STK32B: variants seen among roughly 807,000 people sequenced by gnomAD.
STK32B encodes serine/threonine-protein kinase 32B.
In STK32B, 43 loss-of-function variants were observed where a neutral mutation model predicts 52.6. That is an observed-to-expected ratio of 0.82 (90% CI 0.64 to 1.05). STK32B has a LOEUF of 1.05. Ranked by LOEUF, STK32B falls within the 50% of genes least tolerant of loss-of-function variation. The pLI is 0.00. For synonymous variants in STK32B, 238 were observed against 204.3 expected (o/e 1.17, Z -1.41); for missense variants, 621 against 534.6 (o/e 1.16, Z -1.59).
chr4:5,172,777 G>A (rs191484076), intron 3 of STK32B, among the ~76,000 whole-genome samples: 1 of 151,726 alleles, frequency 6.6e-6, no homozygotes, highest in Non-Finnish European at 1.5e-5. Context: ...TCTCTTTTTT[G>A]GTTGTGTCTC....
chr4:5,062,440 T>G (rs1742251222), intron 1 of STK32B, among the ~76,000 whole-genome samples: 1 of 152,210 alleles, frequency 6.6e-6, no homozygotes. Flanking sequence ...TGAAGCTCCT[T>G]GAATGTCCTC....
At chr4:5,428,193 G>T (rs188717639) in intron 6 of STK32B, among the ~76,000 whole-genome samples, 2 of 152,110 alleles carry the variant, frequency 1.3e-5, no homozygotes, top group Admixed American at 1.3e-4. Context: ...GGATCACAAG[G>T]TCAGGAGATC....
intron 2 of STK32B, among the ~76,000 whole-genome samples, chr4:5,159,564 TGA>T (rs373643161): frequency 4.8e-4 from 37 of 76,598 alleles, no homozygotes; most frequent in Non-Finnish European, 7.9e-4. Context: ...TATATATGAA[TGA>T]ATATATATGA....
intron 11 of STK32B, among the ~76,000 whole-genome samples, chr4:5,487,983 G>T (rs1391320898): frequency 6.6e-6 from 1 of 152,174 alleles, no homozygotes; most frequent in Non-Finnish European, 1.5e-5. Flanking sequence ...ATTTAAAAAA[G>T]AGAGTTGAAT....
intron 3 of STK32B, among the ~76,000 whole-genome samples, chr4:5,206,586 G>A (rs572446423): frequency 3.3e-5 from 5 of 152,218 alleles, no homozygotes; most frequent in South Asian, 2.1e-4. Context: ...TGGATAGGCC[G>A]ATGAATGGAG....
chr4:5,053,133 A>G (rs151141617), intron 1 of STK32B, among the ~76,000 whole-genome samples: 179 of 152,302 alleles, frequency 1.2e-3, no homozygotes, highest in African/African-American at 4.1e-3. Context: ...AAGATAGATG[A>G]ACACAGTCAA....
chr4:5,331,493 G>A (rs1732248639), intron 4 of STK32B, 100 bp downstream of exon 4: 4 of 1,323,818 alleles, frequency 3.0e-6, no homozygotes, highest in Middle Eastern at 2.3e-4. Context: ...TCCTTGACAT[G>A]GTTTAAAAGT....
intron 3 of STK32B, among the ~76,000 whole-genome samples, chr4:5,272,336 T>G (rs1727498877): frequency 2.7e-5 from 4 of 148,640 alleles, no homozygotes; most frequent in African/African-American, 7.6e-5. Context: ...GAACCAGCCT[T>G]GCATCCCAGG....
intron 4 of STK32B, among the ~76,000 whole-genome samples, chr4:5,373,125 A>G (rs927570650): frequency 1.3e-5 from 2 of 152,200 alleles, no homozygotes; most frequent in African/African-American, 4.8e-5. Context: ...GTGGGACTCA[A>G]ACAGAAAACA....
At chr4:5,224,366 G>C (rs1723733145) in intron 3 of STK32B, among the ~76,000 whole-genome samples, 1 of 152,110 alleles carries the variant, frequency 6.6e-6, no homozygotes, top group Non-Finnish European at 1.5e-5. Flanking sequence ...ATCTTTTTTG[G>C]AGGGCTTCTC....
chr4:5,035,926 C>T, the STK32B span, among the ~76,000 whole-genome samples: 3 of 151,686 alleles, frequency 2.0e-5, no homozygotes, highest in Non-Finnish European at 4.4e-5. Flanking sequence ...GGATTACAGG[C>T]GCCCGCCACC....
chr4:5,430,601 C>G (rs988549838), intron 6 of STK32B, among the ~76,000 whole-genome samples: 1 of 151,912 alleles, frequency 6.6e-6, no homozygotes, highest in Admixed American at 6.6e-5. Flanking sequence ...TTTTTTTGTC[C>G]TGTGTCTGAT....
chr4:5,467,479 C>T lies in STK32B; in HGVS notation c.1042-527C>T, dbSNP rs914796640. ...CTTCATATGGCCTTCATATAAGGACCCCAGTCATTGGTCTTAGGGCCTACC... is the reference window on the plus strand; with the variant it reads ...CTTCATATGGCCTTCATATAAGGACTCCAGTCATTGGTCTTAGGGCCTACC... On this transcript the variant is annotated intron_variant, in intron 10 of 11. Transcript: ENST00000282908. The surrounding 1 kb of genome is among the most constrained non-coding windows in gnomAD (Gnocchi z 5.8). Among the ~76,000 whole-genome samples, 1 of 152,104 alleles carries T rather than the reference C, an allele frequency of 6.6e-6. No individual in the cohort carries two copies. The highest frequency in any genetic ancestry group is 1.5e-5 in the Non-Finnish European group (1 of 68,038).
intron 6 of STK32B, among the ~76,000 whole-genome samples, 192 bp from the exon 7 acceptor site, chr4:5,446,481 G>A (rs1292324628): frequency 6.6e-6 from 1 of 151,212 alleles, no homozygotes; most frequent in Non-Finnish European, 1.5e-5. Context: ...AAGGAGAATC[G>A]CTTGAACTAA....
At chr4:5,027,211 T>C in the STK32B span, among the ~76,000 whole-genome samples, 4 of 152,248 alleles carry the variant, frequency 2.6e-5, no homozygotes, top group African/African-American at 7.2e-5. Context: ...AGGTGGAAAG[T>C]TGGCCCACAT....
At chr4:5,140,317 A>G in intron 2 of STK32B, 2 of 1,279,038 alleles carry the variant, frequency 1.6e-6, no homozygotes, top group Non-Finnish European at 2.0e-6. Flanking sequence ...GTAAGTTCAT[A>G]TTTGTGATCT....
At chr4:5,192,408 G>T (rs1721282456) in intron 3 of STK32B, among the ~76,000 whole-genome samples, 1 of 152,084 alleles carries the variant, frequency 6.6e-6, no homozygotes, top group Non-Finnish European at 1.5e-5. Context: ...ATAGCAGAAG[G>T]TGCAATTTAT....
intron 3 of STK32B, among the ~76,000 whole-genome samples, chr4:5,304,421 T>TG (rs1442875461): frequency 7.8e-6 from 1 of 128,622 alleles, no homozygotes; most frequent in Non-Finnish European, 1.5e-5. Context: ...AAGTATTTTA[T>TG]GGTTTTTTTT....
chr4:5,459,861 C>G (rs1196379557), intron 8 of STK32B, among the ~76,000 whole-genome samples: 2 of 152,224 alleles, frequency 1.3e-5, no homozygotes, highest in Non-Finnish European at 2.9e-5. Flanking sequence ...AGTCTGGTCC[C>G]TGCCCTAACA....
Sources: allele counts gnomAD v4.1 joint callset (sites outside exome capture counted in the v4.1 genomes callset), GRCh38; gene constraint gnomAD v4.1.1; non-coding constraint Gnocchi (gnomAD v3.1); transcripts MANE v1.5; gene names NCBI Gene and HGNC (gene_info 2026-07-23, HGNC 2026-07-21).